SYTL5: variants seen among roughly 807,000 people sequenced by gnomAD.
SYTL5 encodes synaptotagmin like 5.
SYTL5 carries 34 observed loss-of-function variants against 55.9 expected under a neutral mutation model. The ratio of observed to expected loss-of-function variants is 0.61; its 90% CI spans 0.46 to 0.81. SYTL5 has a LOEUF of 0.81. Among genes scored for constraint, SYTL5 ranks in the 30% least tolerant of loss-of-function variants. SYTL5 has a pLI of 0.00. For missense variants in SYTL5, 637 were observed against 546.7 expected (o/e 1.17, Z -1.65); for synonymous variants, 221 against 188.7 (o/e 1.17, Z -1.40).
intron 9 of SYTL5, among the ~76,000 whole-genome samples, chrX:38,100,747 T>C (rs904707482): frequency 5.4e-5 from 6 of 111,220 alleles, no homozygotes; most frequent in African/African-American, 2.0e-4. Flanking sequence ...ATCTTTAAAA[T>C]GATATAGATA....
chrX:38,018,586 T>A (rs1476918414), intron 1 of SYTL5, among the ~76,000 whole-genome samples: 1 of 111,534 alleles, frequency 9.0e-6, no homozygotes, highest in Non-Finnish European at 1.9e-5. Flanking sequence ...ACGTTTTTTG[T>A]CTTGTACTCT....
chrX:38,114,785 C>A (rs997339115), intron 13 of SYTL5, among the ~76,000 whole-genome samples: 2 of 111,029 alleles, frequency 1.8e-5, no homozygotes, highest in Non-Finnish European at 3.8e-5. Context: ...CAAATTTATT[C>A]CTCTTATCTA....
chrX:37,924,430 G>T, the SYTL5 span, among the ~76,000 whole-genome samples: 1 of 111,601 alleles, frequency 9.0e-6, no homozygotes, highest in African/African-American at 3.3e-5. Context: ...GCACATAGTA[G>T]GTACCTGGAA....
the SYTL5 span, among the ~76,000 whole-genome samples, chrX:37,890,293 G>A: frequency 9.0e-6 from 1 of 111,622 alleles, no homozygotes; most frequent in Non-Finnish European, 1.9e-5. Flanking sequence ...TTTAGATTAA[G>A]TACATTTACT....
Position 38,122,136 on chromosome X carries a change from A to G in SYTL5, c.1762A>G (p.Ile588Val), listed in dbSNP as rs1937577960. ...GGAGTCACCTGTAATCTCTGGAGGA[A>G]TACTAGAAGTGTTCATCAAAGAGGC... ...KKESPVISGG[I>V]LEVFIKEAKN... is the part of the protein sequence containing the mutation. Residue 588 changes from isoleucine (I) to valine (V), a missense_variant, in exon 15 of 17, where the codon ATA (isoleucine) becomes GTA (valine). Physicochemically the swap from Ile to Val is conservative, Grantham distance 29. Coordinates refer to ENST00000297875, the MANE Select transcript of SYTL5 (RefSeq NM_138780.3). 3.3e-6 allele frequency: 4 copies of G among 1,204,220 alleles called. No homozygotes were observed. Among genetic ancestry groups the G allele is most frequent in the Non-Finnish European group, 4.5e-6 (4 of 890,744 alleles).
chrX:38,072,458 A>C (rs990439049), intron 4 of SYTL5, among the ~76,000 whole-genome samples: 1 of 112,721 alleles, frequency 8.9e-6, no homozygotes, highest in Non-Finnish European at 1.9e-5. Flanking sequence ...ATTTTACTAA[A>C]CACTTAAAGT....
At chrX:38,043,690 T>TAC (rs1555924886) in intron 2 of SYTL5, among the ~76,000 whole-genome samples, 1 of 69,554 alleles carries the variant, frequency 1.4e-5, no homozygotes, top group Admixed American at 1.6e-4. Flanking sequence ...TATATATATA[T>TAC]ACATATATAT....
chrX:37,980,934 C>T, the SYTL5 span, among the ~76,000 whole-genome samples: 1 of 112,164 alleles, frequency 8.9e-6, no homozygotes, highest in Admixed American at 9.4e-5. Flanking sequence ...CTGAGAAGAA[C>T]TAATGTTACT....
At chrX:38,027,515 C>CTG (rs1934816600) in intron 1 of SYTL5, among the ~76,000 whole-genome samples, 1 of 111,883 alleles carries the variant, frequency 8.9e-6, no homozygotes, top group Admixed American at 9.5e-5. Flanking sequence ...CAAAAAACAA[C>CTG]TGATAAGACT....
At chrX:37,991,936 C>T in the SYTL5 span, among the ~76,000 whole-genome samples, 2 of 112,146 alleles carry the variant, frequency 1.8e-5, no homozygotes, top group East Asian at 5.5e-4. Context: ...CTTCAGGACA[C>T]TGGTAAAATA....
chrX:38,040,039 G>A (rs1469235149), intron 2 of SYTL5, among the ~76,000 whole-genome samples: 1 of 110,425 alleles, frequency 9.1e-6, no homozygotes, highest in Non-Finnish European at 1.9e-5. Flanking sequence ...CCCGGGCGTG[G>A]TGGCATGCGC....
At chrX:37,943,398 A>G in the SYTL5 span, among the ~76,000 whole-genome samples, 2 of 111,657 alleles carry the variant, frequency 1.8e-5, no homozygotes, top group South Asian at 7.6e-4. Context: ...AAATGGGGGA[A>G]GGAGACTGGG....
chrX:37,949,879 C>G, the SYTL5 span, among the ~76,000 whole-genome samples: 1 of 111,746 alleles, frequency 8.9e-6, no homozygotes, highest in East Asian at 2.8e-4. Flanking sequence ...TAATTCCACT[C>G]TAGATCTCTC....
At chrX:37,911,601 A>G in the SYTL5 span, among the ~76,000 whole-genome samples, 1 of 111,609 alleles carries the variant, frequency 9.0e-6, no homozygotes, top group East Asian at 2.8e-4. Context: ...TTAATTTTAA[A>G]TTATTTCTAA....
At chrX:37,893,770 A>G in the SYTL5 span, among the ~76,000 whole-genome samples, 2 of 90,020 alleles carry the variant, frequency 2.2e-5, no homozygotes, top group Non-Finnish European at 2.1e-5. Flanking sequence ...ATCTATAGAT[A>G]AACTATAGAT....
At chrX:38,019,226 T>A (rs1482991012) in intron 1 of SYTL5, among the ~76,000 whole-genome samples, 1 of 112,236 alleles carries the variant, frequency 8.9e-6, no homozygotes, top group African/African-American at 3.2e-5. Flanking sequence ...TAAGAAAACA[T>A]TCCTGAAGAT....
intron 6 of SYTL5, among the ~76,000 whole-genome samples, chrX:38,087,058 A>G (rs997307483): frequency 3.6e-5 from 4 of 111,241 alleles, no homozygotes; most frequent in African/African-American, 1.3e-4. Flanking sequence ...AGCAAGGCTA[A>G]TCCATGATGG....
chrX:37,991,234 A>C, the SYTL5 span: 40 of 1,171,671 alleles, frequency 3.4e-5, no homozygotes, highest in African/African-American at 6.7e-4. Flanking sequence ...TCACAGGCTT[A>C]GCCAGGGCAA....
At chrX:37,969,150 T>C in the SYTL5 span, among the ~76,000 whole-genome samples, 1 of 112,062 alleles carries the variant, frequency 8.9e-6, no homozygotes, top group South Asian at 3.7e-4. Flanking sequence ...ACTTACTTTT[T>C]TGAGAATTGA....
Sources: allele counts gnomAD v4.1 joint callset (sites outside exome capture counted in the v4.1 genomes callset), GRCh38; gene constraint gnomAD v4.1.1; transcripts MANE v1.5; gene names NCBI Gene and HGNC (gene_info 2026-07-23, HGNC 2026-07-21).